The following GSG1L variants were observed in gnomAD, a reference collection of about 807,000 sequenced individuals.
The protein encoded by GSG1L is germ cell-specific gene 1-like protein.
Under a neutral mutation model 42.1 loss-of-function variants are expected in GSG1L, and 24 were observed. The ratio of observed to expected loss-of-function variants is 0.57; its 90% CI spans 0.41 to 0.80. The LOEUF (loss-of-function observed/expected upper bound fraction) is 0.80, where lower values mean the gene tolerates loss of function less well. GSG1L is among the 30% of genes least tolerant of loss of function. The probability of loss-of-function intolerance (pLI) is 0.00; values close to 1 mark genes in which losing one functional copy is unlikely to be tolerated. For synonymous variants in GSG1L, 215 were observed against 203.5 expected (o/e 1.06, Z -0.48); for missense variants, 445 against 472.2 (o/e 0.94, Z 0.53).
chr16:27,819,753 T>A (rs1486463467), intron 5 of GSG1L, among the ~76,000 whole-genome samples: 1 of 152,168 alleles, frequency 6.6e-6, no homozygotes, highest in African/African-American at 2.4e-5. Context: ...CTGAGAGCCA[T>A]GGGAAACCAC....
chr16:27,845,124 C>T, intron 3 of GSG1L, 63 bp from the exon 4 acceptor site: 1 of 1,081,900 alleles, frequency 9.2e-7, no homozygotes, highest in Non-Finnish European at 1.4e-6. Context: ...CCCACACACC[C>T]ACAGCCTCTC....
chr16:28,032,353 AT>A (rs1192418086), intron 1 of GSG1L, among the ~76,000 whole-genome samples: 1 of 152,236 alleles, frequency 6.6e-6, no homozygotes, highest in Non-Finnish European at 1.5e-5. Flanking sequence ...GCTTTTGAAA[AT>A]TAGAAAATTA....
intron 3 of GSG1L, among the ~76,000 whole-genome samples, chr16:27,881,245 T>TTC (rs2083951548): frequency 6.9e-6 from 1 of 145,700 alleles, no homozygotes; most frequent in East Asian, 2.0e-4. Flanking sequence ...ATACTTTTTT[T>TTC]TTTTTTTTTT....
At chr16:27,997,925 T>C (rs1403279138) in intron 1 of GSG1L, among the ~76,000 whole-genome samples, 2 of 143,466 alleles carry the variant, frequency 1.4e-5, no homozygotes, top group African/African-American at 5.1e-5. Flanking sequence ...AGCGGCACGA[T>C]CTTGGCTCAC....
intron 3 of GSG1L, among the ~76,000 whole-genome samples, chr16:27,860,933 C>T (rs2083641298): frequency 6.6e-6 from 1 of 152,336 alleles, no homozygotes; most frequent in East Asian, 1.9e-4. Flanking sequence ...TTGGAAGACA[C>T]ATTTGAATCT....
At chr16:27,978,779 T>G (rs1276068824) in intron 1 of GSG1L, among the ~76,000 whole-genome samples, 1 of 151,306 alleles carries the variant, frequency 6.6e-6, no homozygotes, top group Non-Finnish European at 1.5e-5. Context: ...TTTAAATATA[T>G]ATATTTGTTT....
Position 27,804,379 on chromosome 16 carries a change from C to T in GSG1L, c.898+3108G>A, listed in dbSNP as rs547725050. Among the ~76,000 whole-genome samples the T allele has an allele frequency of 3.3e-5, 5 of 152,134 alleles. No homozygotes were observed. In the South Asian group the frequency reaches 1.0e-3, roughly 32 times the overall value. ...AAAGCTCTTCATTTGACTCCTCACCCTTTAGGTCCCAGCTCCGTGGTTTCT... is the reference window on the plus strand; with the variant it reads ...AAAGCTCTTCATTTGACTCCTCACCTTTTAGGTCCCAGCTCCGTGGTTTCT... On this transcript the variant is annotated intron_variant, in intron 6 of 6. Coordinates refer to ENST00000447459, the MANE Select transcript of GSG1L (RefSeq NM_001109763.2).
At chr16:27,990,983 G>T (rs571320721) in intron 1 of GSG1L, among the ~76,000 whole-genome samples, 66 of 152,314 alleles carry the variant, frequency 4.3e-4, no homozygotes, top group African/African-American at 1.5e-3. Context: ...CTTAAAAAGA[G>T]TCTATGTGGT....
At chr16:27,932,485 G>A (rs4787439) in intron 2 of GSG1L, among the ~76,000 whole-genome samples, 98,899 of 151,922 alleles carry the variant, frequency 0.65, 32,935 homozygotes, top group South Asian at 0.75. Context: ...TCAGCAATTC[G>A]CATGGTGGCA....
chr16:27,937,182 C>A (rs146724618), intron 2 of GSG1L, among the ~76,000 whole-genome samples: 1 of 152,108 alleles, frequency 6.6e-6, no homozygotes, highest in South Asian at 2.1e-4. Context: ...TCAATGGGAA[C>A]CTTTGGGCAG....
intron 3 of GSG1L, among the ~76,000 whole-genome samples, chr16:27,850,815 T>A (rs1479732003): frequency 6.6e-6 from 1 of 151,964 alleles, no homozygotes; most frequent in Non-Finnish European, 1.5e-5. Flanking sequence ...TTTTTTATTT[T>A]TTTTTTGTAC....
intron 2 of GSG1L, among the ~76,000 whole-genome samples, chr16:27,906,449 G>C (rs192486239): frequency 6.1e-4 from 93 of 152,260 alleles, no homozygotes; most frequent in African/African-American, 2.2e-3. Context: ...AAAAGCTGGC[G>C]TGTGGCCTTC....
intron 6 of GSG1L, among the ~76,000 whole-genome samples, chr16:27,800,043 C>T (rs1490992091): frequency 1.3e-5 from 2 of 152,246 alleles, no homozygotes; most frequent in African/African-American, 4.8e-5. Flanking sequence ...TGCAGTCCAT[C>T]CTTTAACGAG....
intron 1 of GSG1L, among the ~76,000 whole-genome samples, chr16:27,964,084 T>C (rs773440339): frequency 1.3e-5 from 2 of 151,994 alleles, no homozygotes; most frequent in Non-Finnish European, 2.9e-5. Flanking sequence ...ATACAGATCA[T>C]ACTTTGGGAG....
At chr16:27,925,863 C>T (rs776165728) in intron 2 of GSG1L, among the ~76,000 whole-genome samples, 4 of 152,210 alleles carry the variant, frequency 2.6e-5, no homozygotes, top group Non-Finnish European at 5.9e-5. Context: ...GCACAGAGTC[C>T]TGGGTTTCCA....
rs899257441 is a variant in GSG1L, at chr16:27,911,708, C to T, written c.398-27070G>A. ...CCACATGGCATCCTCATGGTTTTGTCCTCCACTCCTTTGATCTTTGCTCAA... is the reference window on the plus strand; with the variant it reads ...CCACATGGCATCCTCATGGTTTTGTTCTCCACTCCTTTGATCTTTGCTCAA... On this transcript the variant is annotated intron_variant, in intron 2 of 6. Coordinates refer to ENST00000447459, the MANE Select transcript of GSG1L (RefSeq NM_001109763.2). Among the ~76,000 whole-genome samples the T allele has an allele frequency of 2.6e-5, 4 of 152,158 alleles. No homozygotes were observed. The East Asian group carries it at 5.8e-4, about 22-fold the overall frequency.
chr16:27,803,802 TAG>T (rs1555500730), intron 6 of GSG1L, among the ~76,000 whole-genome samples: 32 of 133,428 alleles, frequency 2.4e-4, no homozygotes, highest in African/African-American at 9.2e-4. Context: ...TATAGATAGA[TAG>T]ATATAGATAT....
At chr16:27,856,352 C>G (rs974495922) in intron 3 of GSG1L, among the ~76,000 whole-genome samples, 2 of 152,180 alleles carry the variant, frequency 1.3e-5, no homozygotes, top group African/African-American at 4.8e-5. Context: ...CTTGCTCTGT[C>G]ACCCAGTCTA....
rs149352416 is a variant in GSG1L at position 28,047,082 on chromosome 16, T to C, written c.349+15994A>G. On this transcript the variant is annotated intron_variant, in intron 1 of 6. Transcript: ENST00000447459. Reference sequence around the variant, plus strand: ...GACCAGCCCATAGACCATCATATCTTGCGTTCAAAGCCAACCAGCACCCAT... The same window carrying C: ...GACCAGCCCATAGACCATCATATCTCGCGTTCAAAGCCAACCAGCACCCAT... Among the ~76,000 whole-genome samples the C allele has an allele frequency of 1.8e-4, 28 of 152,242 alleles. 1 individual carries two copies. The East Asian group carries it at 4.2e-3, about 23-fold the overall frequency.
Sources: gnomAD v4.1 joint callset for allele counts (sites outside exome capture counted in the v4.1 genomes callset) on GRCh38, gnomAD v4.1.1 for gene constraint, MANE v1.5 for transcripts, NCBI Gene and HGNC (gene_info 2026-07-23, HGNC 2026-07-21) for gene names.